Variants in TCF7L2 observed in about 807,000 individuals in gnomAD.
The protein encoded by TCF7L2 is transcription factor 7-like 2.
In TCF7L2, 23 loss-of-function variants were observed where a neutral mutation model predicts 77.9. The observed-to-expected ratio is 0.30, with a 90% CI of 0.21 to 0.42. The LOEUF (loss-of-function observed/expected upper bound fraction) is 0.42, where lower values mean the gene tolerates loss of function less well. Among genes scored for constraint, TCF7L2 ranks in the 10% least tolerant of loss-of-function variants. The pLI is 1.00. For missense variants in TCF7L2, 654 were observed against 793.1 expected (o/e 0.82, Z 2.11); for synonymous variants, 413 against 340.2 (o/e 1.21, Z -2.36).
In TCF7L2 at chr10:113,165,807, C is replaced by T. The variant is rs761028094; in HGVS notation, c.1644C>T (p.Ser548=). ...TCGCTGAGGCCACCCACAAGGCCTC[C>T]GCCCTCTGTCCCAACGGGGCCCTGG... The change falls in exon 14 of 14, where the codon TCC becomes TCT. Residue 548 remains serine (S), a synonymous_variant. Transcript: ENST00000627217. 27 of 1,604,282 alleles carry T rather than the reference C, an allele frequency of 1.7e-5. No individual in the cohort carries two copies. In the East Asian group the frequency reaches 2.0e-4, roughly 12 times the overall value.
intron 4 of TCF7L2, among the ~76,000 whole-genome samples, chr10:113,000,894 C>T (rs1191949973): frequency 2.0e-5 from 3 of 152,212 alleles, no homozygotes; most frequent in Non-Finnish European, 2.9e-5. Context: ...CTCCAAACCC[C>T]GCTAGGGCCA....
At chr10:113,149,369 A>G (rs1289966090) in intron 8 of TCF7L2, among the ~76,000 whole-genome samples, 1 of 152,138 alleles carries the variant, frequency 6.6e-6, no homozygotes, top group African/African-American at 2.4e-5. Context: ...TTTTAAAATC[A>G]TGTCATGCAG....
At chr10:113,017,008 C>G (rs2047444846) in intron 4 of TCF7L2, among the ~76,000 whole-genome samples, 1 of 152,130 alleles carries the variant, frequency 6.6e-6, no homozygotes, top group Non-Finnish European at 1.5e-5. Flanking sequence ...CAAAGAGCCC[C>G]CAGCAAGCAG....
chr10:113,008,194 A>C (rs2045899631), intron 4 of TCF7L2, among the ~76,000 whole-genome samples: 1 of 152,138 alleles, frequency 6.6e-6, no homozygotes, highest in Admixed American at 6.5e-5. Flanking sequence ...TCTGTATGAG[A>C]GGTTTTCAAA....
At chr10:113,010,387 C>T (rs113198489) in intron 4 of TCF7L2, among the ~76,000 whole-genome samples, 5,295 of 152,170 alleles carry the variant, frequency 0.035, 344 homozygotes, top group African/African-American at 0.12. Flanking sequence ...TGGGAGGAGC[C>T]AGGCATCAGT....
intron 5 of TCF7L2, among the ~76,000 whole-genome samples, chr10:113,100,111 C>T (rs115426200): frequency 9.2e-4 from 140 of 152,278 alleles, no homozygotes; most frequent in African/African-American, 3.2e-3. Context: ...ATAAGAAACT[C>T]CCATTGTCTG....
chr10:112,994,957 A>C (rs2043197985), intron 4 of TCF7L2, among the ~76,000 whole-genome samples: 1 of 152,126 alleles, frequency 6.6e-6, no homozygotes, highest in Non-Finnish European at 1.5e-5. Context: ...AAAATTAGCC[A>C]GGCCTGGTGG....
At position 113,166,459 on chromosome 10, in the gene TCF7L2, T is replaced by TC. The variant is rs2074045712; in HGVS notation, c.*487_*488insC. 1.3e-5 allele frequency: 3 copies of TC among 222,414 alleles called. No homozygotes were observed. The highest frequency in any genetic ancestry group is 2.7e-5 in the Non-Finnish European group (3 of 111,620). 13.8% of individuals were successfully genotyped at this position (222,414 alleles called of 1,614,324 possible). On this transcript the variant is annotated 3_prime_UTR_variant, in exon 14 of 14. Coordinates refer to ENST00000627217, the MANE Select transcript of TCF7L2 (RefSeq NM_001146274.2). The stretch of plus-strand genomic sequence containing the variant: ...TGAATGCAGTGCCGTTACTTTTTTT[T>TC]TTTTTTTCTGTGTGAAACAACTCTT...
intron 5 of TCF7L2, among the ~76,000 whole-genome samples, chr10:113,060,469 A>C (rs889550194): frequency 3.3e-5 from 5 of 152,128 alleles, no homozygotes; most frequent in African/African-American, 1.2e-4. Context: ...TTGTTTTAAT[A>C]AATGGGGGGG....
intron 5 of TCF7L2, among the ~76,000 whole-genome samples, chr10:113,092,259 T>A (rs1191685215): frequency 6.6e-6 from 1 of 152,190 alleles, no homozygotes; most frequent in African/African-American, 2.4e-5. Context: ...GTTTCCAGGA[T>A]GTCATCTAAA....
At chr10:113,010,825 G>A (rs1190278874) in intron 4 of TCF7L2, among the ~76,000 whole-genome samples, 1 of 152,126 alleles carries the variant, frequency 6.6e-6, no homozygotes, top group Non-Finnish European at 1.5e-5. Flanking sequence ...ACCAGCTTGG[G>A]CAACAGGGTG....
intron 3 of TCF7L2, among the ~76,000 whole-genome samples, chr10:112,955,130 A>G (rs1296492001): frequency 1.3e-5 from 2 of 148,862 alleles, no homozygotes; most frequent in African/African-American, 2.5e-5. Context: ...TTTTGACAAC[A>G]CTTTTCAAAG....
At chr10:112,971,693 A>G (rs1253669832) in intron 4 of TCF7L2, among the ~76,000 whole-genome samples, 3 of 146,556 alleles carry the variant, frequency 2.0e-5, no homozygotes, top group Non-Finnish European at 4.5e-5. Context: ...GCTCACTGCA[A>G]CCTCCGCTTC....
intron 5 of TCF7L2, among the ~76,000 whole-genome samples, chr10:113,053,607 A>G (rs1227860723): frequency 6.6e-6 from 1 of 152,136 alleles, no homozygotes; most frequent in African/African-American, 2.4e-5. Flanking sequence ...ATTAGACTTA[A>G]TCCCAGAATT....
intron 4 of TCF7L2, among the ~76,000 whole-genome samples, chr10:112,965,671 GT>G (rs1564721112): frequency 3.0e-5 from 4 of 132,240 alleles, no homozygotes; most frequent in South Asian, 5.2e-4. Flanking sequence ...GTGTGTGTGT[GT>G]GTGTGGTCTT....
At chr10:112,964,086 A>T (rs61875106) in intron 3 of TCF7L2, among the ~76,000 whole-genome samples, 14 of 152,170 alleles carry the variant, frequency 9.2e-5, no homozygotes, top group Non-Finnish European at 2.1e-4. Context: ...CCCAGTTATT[A>T]GAAATATGGG....
chr10:113,138,568 A>G (rs1024252189), intron 5 of TCF7L2, among the ~76,000 whole-genome samples: 8 of 152,162 alleles, frequency 5.3e-5, no homozygotes, highest in African/African-American at 1.7e-4. Flanking sequence ...TTTACTGTAG[A>G]CAGATCATGT....
Position 112,975,570 on chromosome 10 carries a change from C to T in TCF7L2, c.450+10946C>T, listed in dbSNP as rs149780746. ...GATCTTGGATCACTGCAACTTCTGC[C>T]TCCTGGGTTCAAGGGATTCTCATAC... On this transcript the variant is annotated intron_variant, in intron 4 of 13. Transcript: ENST00000627217. Among the ~76,000 whole-genome samples, 201 of 152,264 alleles carry T rather than the reference C, an allele frequency of 1.3e-3. 1 individual carries two copies. The highest frequency in any genetic ancestry group is 4.5e-3 in the African/African-American group (189 of 41,560).
At chr10:113,129,779 A>C in intron 5 of TCF7L2, 1 of 1,273,540 alleles carries the variant, frequency 7.9e-7, no homozygotes, top group Admixed American at 2.5e-5. Context: ...GCAGAAAGGG[A>C]GGAGGAAGAA....
Sources: gnomAD v4.1 joint callset for allele counts (sites outside exome capture counted in the v4.1 genomes callset) on GRCh38, gnomAD v4.1.1 for gene constraint, MANE v1.5 for transcripts, NCBI Gene and HGNC (gene_info 2026-07-23, HGNC 2026-07-21) for gene names.